The following ADAM32 variants were observed in gnomAD, a reference collection of about 807,000 sequenced individuals.
The protein encoded by ADAM32 is disintegrin and metalloproteinase domain-containing protein 32.
A neutral mutation model predicts 114.9 loss-of-function variants in ADAM32; 89 were observed. The ratio of observed to expected loss-of-function variants is 0.77; its 90% CI spans 0.65 to 0.92. The LOEUF (loss-of-function observed/expected upper bound fraction) is 0.92. ADAM32 is among the 40% of genes least tolerant of loss of function. The probability of loss-of-function intolerance (pLI) is 0.00; values close to 1 mark genes in which losing one functional copy is unlikely to be tolerated. For synonymous variants in ADAM32, 285 were observed against 307.5 expected, an observed-to-expected ratio of 0.93 and a Z score of 0.77; for missense variants, 870 against 932.8, an observed-to-expected ratio of 0.93 and a Z score of 0.88.
At chr8:39,163,941 T>C (rs1469439139) in intron 7 of ADAM32, among the ~76,000 whole-genome samples, 4 of 152,206 alleles carry the variant, frequency 2.6e-5, no homozygotes, top group Non-Finnish European at 5.9e-5. Flanking sequence ...TTTGACATAG[T>C]TGCAATCCAG....
In ADAM32 at chr8:39,254,455, T is replaced by G. The variant is rs769011112; in HGVS notation, c.1944T>G (p.Tyr648Ter). Residue 648 changes from tyrosine to a stop codon, truncating the protein, a stop_gained, in exon 18 of 25, where the codon TAT becomes TAG. Coordinates refer to ENST00000379907, the MANE Select transcript of ADAM32 (RefSeq NM_145004.7). LOFTEE classifies it high-confidence loss of function. Reference protein sequence around the residue: ...SRNKCHCSPGYKPPNCQIRSK... With the variant: ...SRNKCHCSPG ...ACAAGTGCCATTGTTCGCCAGGCTA[T>G]AAGCCTCCAAACTGCCAAATACGTT... The G allele has an allele frequency of 1.9e-6, 3 of 1,603,198 alleles. No homozygotes were observed. The Admixed American group carries it at 5.1e-5, about 27-fold the overall frequency.
chr8:39,175,922 G>T (rs1027773346), intron 10 of ADAM32, among the ~76,000 whole-genome samples: 1 of 152,152 alleles, frequency 6.6e-6, no homozygotes, highest in Non-Finnish European at 1.5e-5. Flanking sequence ...AGGGTGTTAT[G>T]TGTCCAGGAA....
At chr8:39,280,589 A>G (rs1564747202) in intron 22 of ADAM32, among the ~76,000 whole-genome samples, 1 of 152,162 alleles carries the variant, frequency 6.6e-6, no homozygotes, top group Non-Finnish European at 1.5e-5. Flanking sequence ...ATTCTCTACT[A>G]GAGAATTTAC....
intron 10 of ADAM32, among the ~76,000 whole-genome samples, chr8:39,176,222 T>G (rs1805522101): frequency 5.3e-5 from 8 of 152,224 alleles, no homozygotes; most frequent in Admixed American, 4.6e-4. Context: ...TCTTGTCTTC[T>G]GCTAGCTTTG....
At chr8:39,184,635 C>T (rs1209363949) in intron 10 of ADAM32, among the ~76,000 whole-genome samples, 6 of 152,120 alleles carry the variant, frequency 3.9e-5, no homozygotes, top group Non-Finnish European at 8.8e-5. Flanking sequence ...AGCTACAGGT[C>T]CCTCTGTGGA....
At chr8:39,237,484 C>G (rs1242586459) in intron 16 of ADAM32, among the ~76,000 whole-genome samples, 5 of 152,066 alleles carry the variant, frequency 3.3e-5, no homozygotes, top group Non-Finnish European at 5.9e-5. Flanking sequence ...GGAGCAAGAT[C>G]TCAGCCCTGT....
intron 1 of ADAM32, among the ~76,000 whole-genome samples, chr8:39,108,898 G>A (rs1840037851): frequency 6.6e-6 from 1 of 152,094 alleles, no homozygotes; most frequent in Non-Finnish European, 1.5e-5. Flanking sequence ...TTGTGTACAG[G>A]GAAAGACAGG....
chr8:39,149,248 G>T (rs1266855201), intron 4 of ADAM32, among the ~76,000 whole-genome samples: 3 of 151,896 alleles, frequency 2.0e-5, no homozygotes, highest in African/African-American at 7.3e-5. Context: ...TGCCAATTTG[G>T]AATATTTATG....
chr8:39,280,316 C>G lies in ADAM32; in HGVS notation c.2280-820C>G, dbSNP rs533242987. Reference sequence around the variant, plus strand: ...ATGGTAGAAGGAAAACCCTTTGTGACTGTCAATCTTAGTTATGCATACGTT... The same window carrying G: ...ATGGTAGAAGGAAAACCCTTTGTGAGTGTCAATCTTAGTTATGCATACGTT... On this transcript the variant is annotated intron_variant, in intron 22 of 24. Coordinates refer to ENST00000379907, the MANE Select transcript of ADAM32 (RefSeq NM_145004.7). Among the ~76,000 whole-genome samples the G allele has an allele frequency of 7.9e-5, 12 of 152,256 alleles. 1 individual carries two copies. In the East Asian group the frequency reaches 1.9e-3, roughly 24 times the overall value.
At chr8:39,207,132 C>G (rs1388207679) in intron 11 of ADAM32, among the ~76,000 whole-genome samples, 1 of 152,116 alleles carries the variant, frequency 6.6e-6, no homozygotes, top group Admixed American at 6.5e-5. Flanking sequence ...TGGATTTGAG[C>G]TTATTATGGC....
chr8:39,116,490 T>C (rs1840382495), intron 1 of ADAM32, among the ~76,000 whole-genome samples: 1 of 152,234 alleles, frequency 6.6e-6, no homozygotes, highest in Non-Finnish European at 1.5e-5. Flanking sequence ...TTTGTTCTTT[T>C]TGTGGCTATT....
intron 11 of ADAM32, among the ~76,000 whole-genome samples, chr8:39,209,843 G>A (rs1010023032): frequency 6.6e-6 from 1 of 152,174 alleles, no homozygotes; most frequent in Non-Finnish European, 1.5e-5. Context: ...AGAAGGAGTT[G>A]CTCTCTATAC....
chr8:39,245,980 C>A, intron 16 of ADAM32, 103 bp from the exon 17 acceptor site: 1 of 911,106 alleles, frequency 1.1e-6, no homozygotes, highest in Middle Eastern at 3.3e-4. Context: ...AAATTTGTAT[C>A]ATTGAATGGC....
chr8:39,215,519 C>T (rs988124399), intron 12 of ADAM32, among the ~76,000 whole-genome samples: 2 of 151,818 alleles, frequency 1.3e-5, no homozygotes, highest in East Asian at 1.9e-4. Context: ...GATATAAGTG[C>T]GTAGAGCTAT....
At chr8:39,146,410 A>C (rs552741399) in intron 3 of ADAM32, among the ~76,000 whole-genome samples, 55 of 115,102 alleles carry the variant, frequency 4.8e-4, no homozygotes, top group African/African-American at 2.1e-3. Context: ...ATGTCTATTA[A>C]ATTTTTTTTT....
At chr8:39,152,869 C>T (rs1052468581) in intron 6 of ADAM32, among the ~76,000 whole-genome samples, 2 of 152,100 alleles carry the variant, frequency 1.3e-5, no homozygotes, top group South Asian at 2.1e-4. Flanking sequence ...TGGCCAATGA[C>T]GTGTGAGCAA....
At chr8:39,108,026 G>GTTA (rs1839999390) in intron 1 of ADAM32, 193 bp downstream of exon 1, 28 of 702,138 alleles carry the variant, frequency 4.0e-5, no homozygotes, top group Non-Finnish European at 5.8e-5. Context: ...GCTCACGCCT[G>GTTA]TAATCCCAGG....
In ADAM32 at chr8:39,266,946, T is replaced by G. The variant is rs12682638; in HGVS notation, c.2163-3930T>G. Among the ~76,000 whole-genome samples the G allele has an allele frequency of 5.3e-3, 810 of 152,210 alleles. 7 individuals carry two copies. Among genetic ancestry groups the G allele is most frequent in the Non-Finnish European group, 9.0e-3 (613 of 68,008 alleles). On this transcript the variant is annotated intron_variant, in intron 19 of 24. Coordinates refer to ENST00000379907, the MANE Select transcript of ADAM32 (RefSeq NM_145004.7). ...GGCTCAAATTAGCATTCCTGGGGTA[T>G]GTGCTCTATCCCTGGGGGGTTGGGA...
intron 12 of ADAM32, among the ~76,000 whole-genome samples, chr8:39,213,676 A>G (rs1211429394): frequency 6.6e-6 from 1 of 152,194 alleles, no homozygotes; most frequent in Non-Finnish European, 1.5e-5. Flanking sequence ...GTTACAAACA[A>G]TCCAATTATA....
Sources: gnomAD v4.1 joint callset for allele counts (sites outside exome capture counted in the v4.1 genomes callset) on GRCh38, gnomAD v4.1.1 for gene constraint, MANE v1.5 for transcripts, NCBI Gene and HGNC (gene_info 2026-07-23, HGNC 2026-07-21) for gene names.